The following RBFOX1 variants were observed in gnomAD, a reference collection of about 807,000 sequenced individuals.
RBFOX1 encodes the protein RNA binding protein fox-1 homolog 1.
A neutral mutation model predicts 57.7 loss-of-function variants in RBFOX1; 8 were observed. The observed-to-expected ratio is 0.14, with a 90% CI of 0.08 to 0.25. RBFOX1 has a LOEUF of 0.25. Among genes scored for constraint, RBFOX1 ranks in the 10% least tolerant of loss-of-function variants. The probability of loss-of-function intolerance (pLI) is 1.00; values close to 1 mark genes in which losing one functional copy is unlikely to be tolerated. For synonymous variants in RBFOX1, 326 were observed against 222.4 expected, an observed-to-expected ratio of 1.47 and a Z score of -4.15; for missense variants, 611 against 548.5, an observed-to-expected ratio of 1.11 and a Z score of -1.14.
At chr16:6,030,413 A>G (rs540356996) in intron 1 of RBFOX1, among the ~76,000 whole-genome samples, 1 of 152,352 alleles carries the variant, frequency 6.6e-6, no homozygotes, top group Admixed American at 6.5e-5. Context: ...GTTCAGTCAC[A>G]GTAGTAAATA....
At chr16:5,524,536 A>G (rs2044158672) in intron 2 of RBFOX1, among the ~76,000 whole-genome samples, 1 of 132,264 alleles carries the variant, frequency 7.6e-6, no homozygotes, top group South Asian at 2.8e-4. Context: ...TGGGTTGAGT[A>G]GTAGTTGCTT....
chr16:6,071,272 G>GATTGCACC (rs1279421691), intron 1 of RBFOX1, among the ~76,000 whole-genome samples: 2 of 152,198 alleles, frequency 1.3e-5, no homozygotes, highest in Non-Finnish European at 2.9e-5. Context: ...ACTGAGCTGA[G>GATTGCACC]ATTGCACCAT....
chr16:5,911,260 C>T (rs1274802043), intron 4 of RBFOX1, among the ~76,000 whole-genome samples: 1 of 152,098 alleles, frequency 6.6e-6, no homozygotes, highest in African/African-American at 2.4e-5. Flanking sequence ...TTTTCACCCC[C>T]AGAAAAACGT....
At chr16:6,984,289 G>A (rs914550820) in intron 3 of RBFOX1, among the ~76,000 whole-genome samples, 2 of 152,098 alleles carry the variant, frequency 1.3e-5, no homozygotes, top group Admixed American at 1.3e-4. Flanking sequence ...TGTACTACCT[G>A]TGTGACCTAG....
chr16:7,191,295 T>G (rs1335530117), intron 4 of RBFOX1, among the ~76,000 whole-genome samples: 1 of 151,996 alleles, frequency 6.6e-6, no homozygotes, highest in Admixed American at 6.6e-5. Flanking sequence ...GTTGCTTTTT[T>G]TCCTCTTTCT....
rs191103381 is a variant in RBFOX1 at position 7,020,508 on chromosome 16, C to T, written c.-15-31549C>T. Among the ~76,000 whole-genome samples, 274 of 152,168 alleles carry T rather than the reference C, an allele frequency of 1.8e-3. 2 individuals carry two copies. Among genetic ancestry groups the T allele is most frequent in the African/African-American group, 6.2e-3 (258 of 41,536 alleles). The stretch of plus-strand genomic sequence containing the variant: ...TGCTGGGATTTCAGGCGTCAGCCAC[C>T]GCGCCCAGCCAATCTAAAATATTTT... On this transcript the variant is annotated intron_variant, in intron 3 of 15. Coordinates refer to ENST00000550418, the MANE Select transcript of RBFOX1 (RefSeq NM_018723.4).
At chr16:5,375,319 C>A (rs970638864) in intron 1 of RBFOX1, among the ~76,000 whole-genome samples, 5 of 152,016 alleles carry the variant, frequency 3.3e-5, no homozygotes, top group African/African-American at 1.2e-4. Flanking sequence ...GAAAACTGTT[C>A]TAGGGAGCGG....
intron 4 of RBFOX1, among the ~76,000 whole-genome samples, chr16:7,403,563 C>A (rs1385597393): frequency 2.9e-3 from 24 of 8,346 alleles, no homozygotes; most frequent in African/African-American, 7.1e-3. Context: ...ATGAGAGAAT[C>A]CCCCCCCCCC....
intron 2 of RBFOX1, among the ~76,000 whole-genome samples, chr16:5,556,411 T>C (rs916374426): frequency 3.3e-5 from 5 of 152,228 alleles, no homozygotes; most frequent in African/African-American, 1.2e-4. Flanking sequence ...TTCTATGGCT[T>C]GAGTTCCCAG....
At chr16:6,582,343 T>C (rs2097547821) in intron 2 of RBFOX1, among the ~76,000 whole-genome samples, 1 of 152,228 alleles carries the variant, frequency 6.6e-6, no homozygotes, top group South Asian at 2.1e-4. Context: ...TCCAACATGA[T>C]AAAATATTTA....
intron 2 of RBFOX1, among the ~76,000 whole-genome samples, chr16:6,549,234 G>A (rs1226146038): frequency 4.6e-5 from 1 of 21,874 alleles, no homozygotes; most frequent in African/African-American, 2.5e-4. Context: ...GAGGAAGAGG[G>A]GAGGAGGGAG....
chr16:7,491,554 C>T (rs1359227392), intron 4 of RBFOX1, among the ~76,000 whole-genome samples: 1 of 151,646 alleles, frequency 6.6e-6, no homozygotes, highest in Admixed American at 6.6e-5. Flanking sequence ...GGAGTCAAGG[C>T]AATCTTTTGA....
intron 4 of RBFOX1, among the ~76,000 whole-genome samples, chr16:7,314,190 A>G (rs1044720868): frequency 4.6e-5 from 7 of 152,182 alleles, no homozygotes; most frequent in African/African-American, 7.2e-5. Context: ...TCCGCAACCA[A>G]TTCCAATCCC....
intron 3 of RBFOX1, among the ~76,000 whole-genome samples, chr16:7,014,036 G>A (rs1386257516): frequency 1.3e-5 from 2 of 152,138 alleles, no homozygotes; most frequent in Non-Finnish European, 2.9e-5. Context: ...ACTTGAGGAT[G>A]AAATATGTAA....
intron 1 of RBFOX1, among the ~76,000 whole-genome samples, chr16:5,303,097 G>T (rs928882554): frequency 6.6e-6 from 1 of 152,248 alleles, no homozygotes; most frequent in African/African-American, 2.4e-5. Context: ...GGTTGATAAA[G>T]AAAACTTCAA....
intron 3 of RBFOX1, among the ~76,000 whole-genome samples, chr16:7,041,082 ATTTTTTTTTTT>A (rs61569211): frequency 3.7e-5 from 4 of 109,316 alleles, no homozygotes; most frequent in East Asian, 4.6e-4. Flanking sequence ...CGCCCAGCTA[ATTTTTTTTTTT>A]TTTTTTTTTT....
chr16:6,606,668 T>A (rs2097933977), intron 2 of RBFOX1, among the ~76,000 whole-genome samples: 1 of 152,070 alleles, frequency 6.6e-6, no homozygotes, highest in African/African-American at 2.4e-5. Flanking sequence ...GTTCCATCCA[T>A]GTCCCTGCAA....
chr16:6,068,046 C>T (rs1298902764), intron 1 of RBFOX1, among the ~76,000 whole-genome samples: 2 of 152,114 alleles, frequency 1.3e-5, no homozygotes, highest in Non-Finnish European at 2.9e-5. Flanking sequence ...CTTTTATTCT[C>T]AGAGTTCTGT....
chr16:6,421,195 G>A (rs945571970), intron 2 of RBFOX1, among the ~76,000 whole-genome samples: 1 of 152,198 alleles, frequency 6.6e-6, no homozygotes, highest in Non-Finnish European at 1.5e-5. Context: ...CTACCCTGAT[G>A]CGTTGGTTGA....
Sources: allele counts gnomAD v4.1 joint callset (sites outside exome capture counted in the v4.1 genomes callset), GRCh38; gene constraint gnomAD v4.1.1; transcripts MANE v1.5; gene names NCBI Gene and HGNC (gene_info 2026-07-23, HGNC 2026-07-21).